Variants in OTOF observed in about 807,000 individuals in gnomAD.
The protein encoded by OTOF is fer-1-like family member 2.
Under a neutral mutation model 236.8 loss-of-function variants are expected in OTOF, and 218 were observed. That is an observed-to-expected ratio of 0.92 (90% CI 0.82 to 1.03). The LOEUF is 1.03. Ranked by LOEUF, OTOF falls within the 50% of genes least tolerant of loss-of-function variation. The pLI is 0.00. For synonymous variants in OTOF, 1,041 were observed against 1,072.5 expected (o/e 0.97, Z 0.57); for missense variants, 2,590 against 2,694.4 (o/e 0.96, Z 0.86).
In OTOF at chr2:26,502,399, T is replaced by G. The variant is rs756388245; in HGVS notation, c.611A>C (p.Asp204Ala). 2 of 1,613,590 alleles carry G rather than the reference T, an allele frequency of 1.2e-6. No homozygotes were observed. Among genetic ancestry groups the G allele is most frequent in the Non-Finnish European group, 1.7e-6 (2 of 1,179,912 alleles). The change falls in exon 7 of 47, where the codon GAC (aspartate) becomes GCC (alanine). Residue 204 changes from aspartate (D) to alanine (A), a missense_variant. Coordinates refer to ENST00000272371, the MANE Select transcript of OTOF (RefSeq NM_194248.3). ...PDEPAVLEME[D>A]LDHLAIRLGD... ...TAGCCGAATGGCCAGATGGTCAAGG[T>G]CTTCCATCTCCAGCACCGCCGGTTC... is the stretch of plus-strand genomic sequence containing the variant.
At chr2:26,468,743 T>G (rs1664848585) in intron 32 of OTOF, among the ~76,000 whole-genome samples, 1 of 152,222 alleles carries the variant, frequency 6.6e-6, no homozygotes, top group Non-Finnish European at 1.5e-5. Context: ...TGAGTTCATG[T>G]CCTTTGCAGG....
At chr2:26,464,378 A>C (rs541394753) in intron 39 of OTOF, among the ~76,000 whole-genome samples, 1 of 151,898 alleles carries the variant, frequency 6.6e-6, no homozygotes, top group Non-Finnish European at 1.5e-5. Context: ...AGGGTCAGGG[A>C]GGGGAGAATC....
At chr2:26,545,530 G>A (rs1667310555) in intron 1 of OTOF, among the ~76,000 whole-genome samples, 1 of 152,082 alleles carries the variant, frequency 6.6e-6, no homozygotes, top group African/African-American at 2.4e-5. Context: ...ACTAGCCAAA[G>A]AGAGTTTCCA....
At chr2:26,464,309 C>T (rs1053826704) in intron 39 of OTOF, among the ~76,000 whole-genome samples, 1 of 152,028 alleles carries the variant, frequency 6.6e-6, no homozygotes, top group Non-Finnish European at 1.5e-5. Flanking sequence ...CAAGAGAGGT[C>T]TGTGCCCTTG....
At chr2:26,533,302 G>T (rs545623016) in intron 2 of OTOF, among the ~76,000 whole-genome samples, 6 of 152,296 alleles carry the variant, frequency 3.9e-5, no homozygotes, top group East Asian at 1.9e-4. Context: ...GTGCCAAAAA[G>T]GTTGGGGACT....
At chr2:26,493,078 C>T (rs73920292) in intron 9 of OTOF, among the ~76,000 whole-genome samples, 1,522 of 152,190 alleles carry the variant, frequency 0.01, 24 homozygotes, top group African/African-American at 0.034. Flanking sequence ...CTTATCTAGG[C>T]GGAGACTTGT....
At chr2:26,536,939 T>C (rs971039741) in intron 2 of OTOF, among the ~76,000 whole-genome samples, 5 of 152,138 alleles carry the variant, frequency 3.3e-5, no homozygotes, top group Admixed American at 1.3e-4. Flanking sequence ...GGTGTGTGTG[T>C]GTGAGGATAG....
chr2:26,500,633 C>T (rs965258018), intron 8 of OTOF, among the ~76,000 whole-genome samples: 11 of 152,142 alleles, frequency 7.2e-5, no homozygotes, highest in Non-Finnish European at 1.3e-4. Flanking sequence ...TTTGACATTG[C>T]CTGGGGCTGT....
chr2:26,463,867 G>A, intron 40 of OTOF, 97 bp downstream of exon 40: 1 of 1,514,692 alleles, frequency 6.6e-7, no homozygotes, highest in Non-Finnish European at 9.2e-7. Flanking sequence ...GAATGCAGCG[G>A]ACAGCGTGAG....
Position 26,473,300 on chromosome 2 carries a change from G to A in OTOF, c.3571-6C>T, listed in dbSNP as rs397517944. ...AGCTCGTTCTCTGGGAGGTCCTGGG[G>A]TGTTGGCGACAGGAGCCTGAGCCTC... On this transcript the variant is annotated splice_region_variant and splice_polypyrimidine_tract_variant and intron_variant, in intron 28 of 46. Transcript: ENST00000272371. The surrounding 1 kb of genome is among the most constrained non-coding windows in gnomAD (Gnocchi z 7.2). The A allele has an allele frequency of 6.2e-7, 1 of 1,613,300 alleles. No individual in the cohort carries two copies. Among genetic ancestry groups the A allele is most frequent in the South Asian group, 1.1e-5 (1 of 91,084 alleles).
intron 2 of OTOF, among the ~76,000 whole-genome samples, chr2:26,528,152 T>C (rs1666856210): frequency 6.6e-6 from 1 of 152,134 alleles, no homozygotes; most frequent in Non-Finnish European, 1.5e-5. Context: ...CTCAGAGATG[T>C]TGGAGGACCT....
intron 1 of OTOF, among the ~76,000 whole-genome samples, chr2:26,540,327 G>A (rs1277114318): frequency 6.6e-6 from 1 of 152,236 alleles, no homozygotes; most frequent in East Asian, 1.9e-4. Context: ...GTGAGTTTGG[G>A]TTGTCACTGA....
chr2:26,513,452 C>T (rs752331186), intron 5 of OTOF, among the ~76,000 whole-genome samples: 7 of 152,050 alleles, frequency 4.6e-5, no homozygotes, highest in Non-Finnish European at 1.0e-4. Context: ...CCTGGGCTGC[C>T]CGGGGCCTGT....
intron 2 of OTOF, 98 bp downstream of exon 2, chr2:26,537,617 TG>T: frequency 1.1e-6 from 1 of 900,862 alleles, no homozygotes; most frequent in Non-Finnish European, 1.8e-6. Flanking sequence ...GGCCAGTGCC[TG>T]GGATTTGGGG....
chr2:26,476,831 T>C, intron 22 of OTOF, 60 bp downstream of exon 22: 1 of 1,486,542 alleles, frequency 6.7e-7, no homozygotes, highest in Non-Finnish European at 9.3e-7. Flanking sequence ...CAGCCCCAGG[T>C]GGGGGCTGCT....
rs556508237 is a variant in OTOF at position 26,487,140 on chromosome 2, G to A, written c.1045+2071C>T. ...TGCCAGGGTGAGAAGAGGTTCTCTCGGGAAACCCCTTCCAGTTCCAAGAGA... is the reference window on the plus strand; with the variant it reads ...TGCCAGGGTGAGAAGAGGTTCTCTCAGGAAACCCCTTCCAGTTCCAAGAGA... On this transcript the variant is annotated intron_variant, in intron 11 of 46. Coordinates refer to ENST00000272371, the MANE Select transcript of OTOF (RefSeq NM_194248.3). Among the ~76,000 whole-genome samples the A allele has an allele frequency of 2.4e-4, 37 of 152,250 alleles. No individual in the cohort carries two copies. The South Asian group carries it at 3.9e-3, about 16-fold the overall frequency.
chr2:26,498,476 T>C (rs1161373657), intron 8 of OTOF, among the ~76,000 whole-genome samples: 1 of 152,144 alleles, frequency 6.6e-6, no homozygotes, highest in Non-Finnish European at 1.5e-5. Context: ...AAATAAAAAA[T>C]GGCTGGTCAT....
intron 16 of OTOF, 75 bp from the exon 17 acceptor site, chr2:26,479,728 C>G: frequency 6.7e-7 from 1 of 1,485,500 alleles, no homozygotes; most frequent in Non-Finnish European, 9.3e-7. Flanking sequence ...TCCGGTGCTG[C>G]CTTGGGTTTG....
chr2:26,498,649 T>A (rs543381781), intron 8 of OTOF, among the ~76,000 whole-genome samples: 68 of 152,028 alleles, frequency 4.5e-4, no homozygotes, highest in Non-Finnish European at 9.0e-4. Context: ...AGGGACATAC[T>A]CCCCAGTGGC....
Sources: gnomAD v4.1 joint callset for allele counts (sites outside exome capture counted in the v4.1 genomes callset) on GRCh38, gnomAD v4.1.1 for gene constraint, Gnocchi (gnomAD v3.1) non-coding constraint, MANE v1.5 for transcripts, NCBI Gene and HGNC (gene_info 2026-07-23, HGNC 2026-07-21) for gene names.